Variants in KCND3 observed in about 807,000 individuals in gnomAD.
The protein encoded by KCND3 is A-type voltage-gated potassium channel KCND3.
KCND3 carries 9 observed loss-of-function variants against 51.1 expected under a neutral mutation model. The observed-to-expected ratio is 0.18, with a 90% CI of 0.11 to 0.31. The LOEUF is 0.31. Among genes scored for constraint, KCND3 ranks in the 10% least tolerant of loss-of-function variants. KCND3 has a pLI of 1.00. For missense variants in KCND3, 526 were observed against 903.8 expected (o/e 0.58, Z 5.36); for synonymous variants, 349 against 368.0 (o/e 0.95, Z 0.59).
intron 2 of KCND3, among the ~76,000 whole-genome samples, chr1:111,976,539 T>C (rs1362174868): frequency 5.9e-5 from 9 of 152,250 alleles, no homozygotes; most frequent in African/African-American, 2.2e-4. Flanking sequence ...AGACACACTA[T>C]ATATCAAGCT....
chr1:111,922,979 G>A (rs1384989018), intron 2 of KCND3, among the ~76,000 whole-genome samples: 1 of 152,200 alleles, frequency 6.6e-6, no homozygotes, highest in South Asian at 2.1e-4. Context: ...ATTCAGATCT[G>A]ATCATCCCTG....
intron 2 of KCND3, chr1:111,853,723 G>C (rs1667929357): frequency 6.6e-6 from 1 of 152,186 alleles, no homozygotes; most frequent in South Asian, 2.1e-4. Flanking sequence ...TTTGTTCACT[G>C]CTGTCTTCCC....
At chr1:111,985,989 C>T (rs1324955512) in intron 1 of KCND3, among the ~76,000 whole-genome samples, 1 of 152,190 alleles carries the variant, frequency 6.6e-6, no homozygotes, top group Non-Finnish European at 1.5e-5. Context: ...CCACATGCTA[C>T]TGATAGAAGA....
At chr1:111,888,733 C>T (rs995812797) in intron 2 of KCND3, among the ~76,000 whole-genome samples, 9 of 149,666 alleles carry the variant, frequency 6.0e-5, no homozygotes, top group African/African-American at 2.2e-4. Context: ...GACATGAAGA[C>T]CCAGGTACAG....
intron 2 of KCND3, among the ~76,000 whole-genome samples, chr1:111,864,907 TA>T (rs1326598487): frequency 2.6e-5 from 4 of 151,674 alleles, no homozygotes; most frequent in Non-Finnish European, 5.9e-5. Flanking sequence ...AGGAGACAAA[TA>T]TGGTCAGAGA....
At chr1:111,815,724 C>T (rs187009050) in intron 2 of KCND3, among the ~76,000 whole-genome samples, 10 of 151,952 alleles carry the variant, frequency 6.6e-5, no homozygotes, top group Admixed American at 2.0e-4. Context: ...TCTTTTCCCC[C>T]GTTGCAATAG....
At position 111,940,073 on chromosome 1, in the gene KCND3, G is replaced by GTTTTTTTTTT. The variant is rs61088602; in HGVS notation, c.1106+41538_1106+41547dup. Among the ~76,000 whole-genome samples, 24 of 85,468 alleles carry GTTTTTTTTTT rather than the reference G, an allele frequency of 2.8e-4. 1 individual carries two copies. The highest frequency in any genetic ancestry group is 4.9e-4 in the Admixed American group (3 of 6,168). The allele number at this position is 85,468 out of a possible 152,430, so 56.1% of individuals were successfully genotyped here. A position where few individuals can be genotyped will look rare whatever the true frequency, so the allele number is the denominator to read the frequency against. ...TATATCCTTCGCCTACTTTTTGATG[G>GTTTTTTTTTT]TTTTTTTTTTTTTTTTTTTTTTTGT... On this transcript the variant is annotated intron_variant, in intron 2 of 7. Coordinates refer to ENST00000302127, the MANE Select transcript of KCND3 (RefSeq NM_001378969.1).
At chr1:111,955,204 T>C (rs2101915340) in intron 2 of KCND3, among the ~76,000 whole-genome samples, 1 of 152,074 alleles carries the variant, frequency 6.6e-6, no homozygotes, top group East Asian at 1.9e-4. Context: ...AGCCTAGGAG[T>C]TGAAGAGCAG....
At chr1:111,805,306 A>G (rs1183770614) in intron 2 of KCND3, among the ~76,000 whole-genome samples, 2 of 152,190 alleles carry the variant, frequency 1.3e-5, no homozygotes, top group Non-Finnish European at 2.9e-5. Context: ...ACGTGGGGAC[A>G]CTGTTGGGAG....
chr1:111,816,328 G>A lies in KCND3; in HGVS notation c.1107-29222C>T, dbSNP rs1201036417. ...CACCCCAGACCTGGTAGGCTGTCAA[G>A]TCCACAGAGAAGAGAAGCCTGAGTG... On this transcript the variant is annotated intron_variant, in intron 2 of 7. Coordinates refer to ENST00000302127, the MANE Select transcript of KCND3 (RefSeq NM_001378969.1). Among the ~76,000 whole-genome samples, 11 of 152,258 alleles carry A rather than the reference G, an allele frequency of 7.2e-5. No homozygotes were observed. In the East Asian group the frequency reaches 7.7e-4, roughly 11 times the overall value.
intron 2 of KCND3, among the ~76,000 whole-genome samples, chr1:111,919,717 A>G (rs1010606869): frequency 6.6e-6 from 1 of 152,186 alleles, no homozygotes; most frequent in African/African-American, 2.4e-5. Context: ...ATCTCACAAC[A>G]AAGTTCTTTC....
chr1:111,952,435 G>A (rs1039861234), intron 2 of KCND3, among the ~76,000 whole-genome samples: 3 of 152,110 alleles, frequency 2.0e-5, no homozygotes, highest in Admixed American at 2.0e-4. Flanking sequence ...GGGAATTTTG[G>A]GGCCTGGGGC....
chr1:111,793,112 A>G (rs1405312781), intron 2 of KCND3, among the ~76,000 whole-genome samples: 1 of 150,068 alleles, frequency 6.7e-6, no homozygotes, highest in African/African-American at 2.5e-5. Flanking sequence ...TGATCCTTCT[A>G]TTTTGGCCTC....
intron 2 of KCND3, among the ~76,000 whole-genome samples, chr1:111,935,643 C>T (rs1672183764): frequency 6.6e-6 from 1 of 152,174 alleles, no homozygotes; most frequent in South Asian, 2.1e-4. Flanking sequence ...GCTGAACACT[C>T]AAGTGTGCCA....
At chr1:111,969,245 G>A (rs577871320) in intron 2 of KCND3, among the ~76,000 whole-genome samples, 14 of 152,068 alleles carry the variant, frequency 9.2e-5, no homozygotes, top group African/African-American at 3.1e-4. Flanking sequence ...TCCATTCTTC[G>A]TCCATTCTGT....
chr1:111,841,869 A>T (rs1667334705), intron 2 of KCND3, among the ~76,000 whole-genome samples: 1 of 152,150 alleles, frequency 6.6e-6, no homozygotes, highest in African/African-American at 2.4e-5. Context: ...GAGAAGAAAG[A>T]ATTTAGAAGG....
Position 111,775,954 on chromosome 1 carries a change from G to A in KCND3, c.*123C>T. On this transcript the variant is annotated 3_prime_UTR_variant, in exon 8 of 8. Coordinates refer to ENST00000302127, the MANE Select transcript of KCND3 (RefSeq NM_001378969.1). ...TTCCAGGCACAAGTCTCAGTGCTAG[G>A]GGTACAATGGGGCAGGCAGAAATAG... The A allele has an allele frequency of 9.1e-7, 1 of 1,094,108 alleles. No individual in the cohort carries two copies. The highest frequency in any genetic ancestry group is 1.9e-5 in the Admixed American group (1 of 52,870). The allele number at this position is 1,094,108 out of a possible 1,614,324, so 67.8% of individuals were successfully genotyped here. A position where few individuals can be genotyped will look rare whatever the true frequency, so the allele number is the denominator to read the frequency against.
At chr1:111,949,677 A>G (rs748631065) in intron 2 of KCND3, among the ~76,000 whole-genome samples, 3 of 150,064 alleles carry the variant, frequency 2.0e-5, no homozygotes, top group Non-Finnish European at 4.4e-5. Context: ...TCATATTTTT[A>G]GTTGATTCCT....
chr1:111,974,372 T>TAA (rs10711503), intron 2 of KCND3, among the ~76,000 whole-genome samples: 1 of 146,604 alleles, frequency 6.8e-6, no homozygotes. Flanking sequence ...TTTCCCAGAT[T>TAA]AAAAAAAAAA....
Sources: allele counts gnomAD v4.1 joint callset (sites outside exome capture counted in the v4.1 genomes callset), GRCh38; gene constraint gnomAD v4.1.1; transcripts MANE v1.5; gene names NCBI Gene and HGNC (gene_info 2026-07-23, HGNC 2026-07-21).